The following FRMPD4 variants were observed in gnomAD, a reference collection of about 807,000 sequenced individuals.
FRMPD4 encodes the protein FERM and PDZ domain-containing protein 4.
FRMPD4 carries 22 observed loss-of-function variants against 94.1 expected under a neutral mutation model. The ratio of observed to expected loss-of-function variants is 0.23; its 90% CI spans 0.17 to 0.33. FRMPD4 has a LOEUF of 0.33. FRMPD4 is among the 10% of genes least tolerant of loss of function. The pLI is 1.00. For missense variants in FRMPD4, 1,111 were observed against 1,339.9 expected (o/e 0.83, Z 2.67); for synonymous variants, 631 against 548.6 (o/e 1.15, Z -2.10).
chrX:11,928,495 C>T (rs2054101955), intron 3 of FRMPD4, among the ~76,000 whole-genome samples: 1 of 112,038 alleles, frequency 8.9e-6, no homozygotes, highest in Non-Finnish European at 1.9e-5. Flanking sequence ...CAATTACCTC[C>T]CACCACATAT....
At chrX:12,683,072 A>G (rs184289042) in intron 5 of FRMPD4, among the ~76,000 whole-genome samples, 2 of 112,078 alleles carry the variant, frequency 1.8e-5, no homozygotes, top group East Asian at 2.8e-4. Flanking sequence ...AGGACTATCA[A>G]TGGCTCTTCT....
At chrX:12,107,753 G>C (rs1049972647) in intron 3 of FRMPD4, among the ~76,000 whole-genome samples, 1 of 111,848 alleles carries the variant, frequency 8.9e-6, no homozygotes, top group Non-Finnish European at 1.9e-5. Flanking sequence ...GAAAACCATG[G>C]CACATGAACT....
In FRMPD4 at chrX:12,265,622, C is replaced by CT. The variant is rs1330644252; in HGVS notation, c.41+126620dup. ...CATGAGTTTCTGCCACATTATTTTT[C>CT]TTTTTTTTTTCTCTGACTCATATAA... On this transcript the variant is annotated intron_variant, in intron 1 of 16. Coordinates refer to ENST00000675598, the MANE Select transcript of FRMPD4 (RefSeq NM_001368397.1). Among the ~76,000 whole-genome samples the CT allele has an allele frequency of 2.4e-3, 253 of 107,261 alleles. 1 individual carries two copies. The highest frequency in any genetic ancestry group is 8.4e-3 in the African/African-American group (248 of 29,597). The allele number at this position is 107,261 out of a possible 115,157, so 93.1% of individuals were successfully genotyped here. A position where few individuals can be genotyped will look rare whatever the true frequency, so the allele number is the denominator to read the frequency against.
At chrX:12,238,492 C>T (rs2057096359) in intron 1 of FRMPD4, among the ~76,000 whole-genome samples, 1 of 112,032 alleles carries the variant, frequency 8.9e-6, no homozygotes, top group Non-Finnish European at 1.9e-5. Context: ...AAGAGTAAAT[C>T]TTTAAAAATG....
At chrX:12,059,233 T>C (rs1470489528) in intron 3 of FRMPD4, among the ~76,000 whole-genome samples, 1 of 111,850 alleles carries the variant, frequency 8.9e-6, no homozygotes, top group Non-Finnish European at 1.9e-5. Context: ...TTGTGTACGC[T>C]TGATCTAATA....
chrX:12,270,327 C>T (rs1218855096), intron 1 of FRMPD4, among the ~76,000 whole-genome samples: 1 of 111,279 alleles, frequency 9.0e-6, no homozygotes, highest in African/African-American at 3.3e-5. Context: ...GTAATTGAGC[C>T]ATGTGTCAGA....
intron 1 of FRMPD4, among the ~76,000 whole-genome samples, chrX:12,329,818 A>T (rs1364014127): frequency 9.5e-6 from 1 of 105,000 alleles, no homozygotes; most frequent in Non-Finnish European, 2.0e-5. Context: ...ACCTGCAGTA[A>T]AGTAACTTAT....
At chrX:12,122,335 G>A (rs951166210) in intron 3 of FRMPD4, among the ~76,000 whole-genome samples, 2 of 112,233 alleles carry the variant, frequency 1.8e-5, no homozygotes, top group Non-Finnish European at 3.8e-5. Flanking sequence ...GGGTCGGTGA[G>A]GGCTCCACAT....
intron 3 of FRMPD4, among the ~76,000 whole-genome samples, chrX:12,030,851 C>T (rs1036811427): frequency 1.8e-5 from 2 of 111,960 alleles, no homozygotes; most frequent in Non-Finnish European, 3.8e-5. Context: ...GTATCTAATA[C>T]CCCTCACCCC....
intron 12 of FRMPD4, 67 bp from the exon 13 acceptor site, chrX:12,707,402 A>G (rs773293586): frequency 7.8e-5 from 64 of 820,480 alleles, no homozygotes; most frequent in Non-Finnish European, 1.1e-4. Flanking sequence ...AAATAGGATC[A>G]TAGGTTCAAG....
chrX:12,244,046 T>A (rs751627887), intron 1 of FRMPD4, among the ~76,000 whole-genome samples: 1 of 110,515 alleles, frequency 9.0e-6, no homozygotes, highest in Non-Finnish European at 1.9e-5. Flanking sequence ...TCCTGTTAAG[T>A]TGCCCTACCA....
chrX:12,109,718 T>G (rs913074897), intron 3 of FRMPD4, among the ~76,000 whole-genome samples: 1 of 111,060 alleles, frequency 9.0e-6, no homozygotes, highest in Non-Finnish European at 1.9e-5. Flanking sequence ...ATAGACGCAA[T>G]AAAAAATGAT....
intron 1 of FRMPD4, among the ~76,000 whole-genome samples, chrX:12,186,194 C>G (rs751597544): frequency 1.3e-4 from 14 of 111,283 alleles, no homozygotes; most frequent in Non-Finnish European, 2.1e-4. Context: ...ACTCATGTGT[C>G]AGATGCCTCC....
chrX:12,714,565 T>C (rs2042044601), intron 14 of FRMPD4, among the ~76,000 whole-genome samples: 1 of 112,335 alleles, frequency 8.9e-6, no homozygotes, highest in African/African-American at 3.2e-5. Context: ...TCTGTTTATG[T>C]AGCATCTATG....
intron 3 of FRMPD4, among the ~76,000 whole-genome samples, chrX:12,053,406 GAA>G (rs1344728503): frequency 1.0e-3 from 92 of 91,234 alleles, no homozygotes; most frequent in East Asian, 2.1e-3. Context: ...AAGAAAGAAA[GAA>G]AGAAAGAAAG....
chrX:11,901,385 A>G (rs1398388492), intron 3 of FRMPD4, among the ~76,000 whole-genome samples: 1 of 112,456 alleles, frequency 8.9e-6, no homozygotes, highest in African/African-American at 3.2e-5. Flanking sequence ...TTCACTTAGA[A>G]TAATGGCCTC....
At chrX:12,313,711 A>G (rs5979584) in intron 1 of FRMPD4, among the ~76,000 whole-genome samples, 3,079 of 111,727 alleles carry the variant, frequency 0.028, 107 homozygotes, top group African/African-American at 0.096. Flanking sequence ...TCCCCATTTC[A>G]TTCATTTCAT....
intron 3 of FRMPD4, among the ~76,000 whole-genome samples, chrX:11,947,705 C>A (rs1686988865): frequency 9.0e-6 from 1 of 111,397 alleles, no homozygotes; most frequent in South Asian, 3.8e-4. Context: ...TAACTGGGGT[C>A]ATTTGAACAC....
At chrX:12,322,356 A>C (rs899694897) in intron 1 of FRMPD4, among the ~76,000 whole-genome samples, 1 of 111,360 alleles carries the variant, frequency 9.0e-6, no homozygotes, top group African/African-American at 3.3e-5. Flanking sequence ...GATACAAGGT[A>C]ATTGAAGGAT....
Sources: allele counts gnomAD v4.1 joint callset (sites outside exome capture counted in the v4.1 genomes callset), GRCh38; gene constraint gnomAD v4.1.1; transcripts MANE v1.5; gene names NCBI Gene and HGNC (gene_info 2026-07-23, HGNC 2026-07-21).